Variants in NALF1 observed in about 807,000 individuals in gnomAD.
NALF1 encodes the protein NALCN channel auxiliary factor 1, also known as family with sequence similarity 155 member A.
A neutral mutation model predicts 48.4 loss-of-function variants in NALF1; 3 were observed. The ratio of observed to expected loss-of-function variants is 0.06; its 90% CI spans 0.03 to 0.16. The LOEUF (loss-of-function observed/expected upper bound fraction) is 0.16, where lower values mean the gene tolerates loss of function less well. Ranked by LOEUF, NALF1 falls within the 10% of genes least tolerant of loss-of-function variation. The pLI is 1.00. For missense variants in NALF1, 526 were observed against 571.5 expected (o/e 0.92, Z 0.81); for synonymous variants, 262 against 245.7 (o/e 1.07, Z -0.62).
At chr13:107,188,682 G>A (rs1311669599) in intron 2 of NALF1, among the ~76,000 whole-genome samples, 2 of 152,100 alleles carry the variant, frequency 1.3e-5, no homozygotes, top group East Asian at 1.9e-4. Flanking sequence ...GTTGACATTA[G>A]TGAGAGTAAG....
intron 1 of NALF1, among the ~76,000 whole-genome samples, chr13:107,706,828 T>G (rs569720125): frequency 6.6e-6 from 1 of 152,028 alleles, no homozygotes; most frequent in African/African-American, 2.4e-5. Flanking sequence ...TTAATAATTC[T>G]AACTTCATTC....
intron 1 of NALF1, among the ~76,000 whole-genome samples, chr13:107,777,415 A>C (rs1178640566): frequency 6.6e-6 from 1 of 152,176 alleles, no homozygotes; most frequent in East Asian, 1.9e-4. Flanking sequence ...GTTGAATTGC[A>C]ATCTGCAATG....
intron 1 of NALF1, among the ~76,000 whole-genome samples, chr13:107,414,035 C>A (rs562803235): frequency 2.6e-5 from 4 of 152,314 alleles, no homozygotes; most frequent in Admixed American, 2.0e-4. Flanking sequence ...GCTCAGCCCA[C>A]CTTGGCCTCT....
chr13:107,857,900 C>T (rs1880476899), intron 1 of NALF1, among the ~76,000 whole-genome samples: 1 of 152,168 alleles, frequency 6.6e-6, no homozygotes, highest in African/African-American at 2.4e-5. Flanking sequence ...TACTGGGCAT[C>T]ATCAAGCCCT....
At chr13:107,411,471 T>G (rs561473699) in intron 1 of NALF1, among the ~76,000 whole-genome samples, 18 of 152,136 alleles carry the variant, frequency 1.2e-4, no homozygotes, top group Admixed American at 5.2e-4. Context: ...GCTTCCCAGC[T>G]GAAATGTGCA....
chr13:107,421,054 A>G (rs1884177064), intron 1 of NALF1, among the ~76,000 whole-genome samples: 1 of 152,198 alleles, frequency 6.6e-6, no homozygotes, highest in African/African-American at 2.4e-5. Context: ...ACTCATCAGT[A>G]TATTATGCTA....
intron 1 of NALF1, among the ~76,000 whole-genome samples, chr13:107,744,670 T>C (rs756636454): frequency 3.3e-5 from 5 of 152,226 alleles, no homozygotes; most frequent in Non-Finnish European, 7.3e-5. Flanking sequence ...AGAAGGTCTG[T>C]CTACAAGGAC....
At chr13:107,504,055 C>A (rs1594098853) in intron 1 of NALF1, among the ~76,000 whole-genome samples, 1 of 151,408 alleles carries the variant, frequency 6.6e-6, no homozygotes, top group African/African-American at 2.4e-5. Flanking sequence ...GGAGTTTAAA[C>A]CAGCTGGCCA....
At chr13:107,677,460 C>A (rs978586097) in intron 1 of NALF1, among the ~76,000 whole-genome samples, 5 of 152,112 alleles carry the variant, frequency 3.3e-5, no homozygotes. Context: ...AAAATTCTGT[C>A]CCAGGAATAA....
chr13:107,536,975 C>T (rs1181162309), intron 1 of NALF1, among the ~76,000 whole-genome samples: 2 of 152,108 alleles, frequency 1.3e-5, no homozygotes, highest in African/African-American at 4.8e-5. Context: ...CAAACTATCA[C>T]AGGGACAAAA....
chr13:107,714,654 G>A, intron 1 of NALF1, among the ~76,000 whole-genome samples: 1 of 128,826 alleles, frequency 7.8e-6, no homozygotes. Context: ...GATAAAATTG[G>A]GAAACTTTTT....
chr13:107,547,721 G>C (rs1355411855), intron 1 of NALF1, among the ~76,000 whole-genome samples: 1 of 152,104 alleles, frequency 6.6e-6, no homozygotes, highest in African/African-American at 2.4e-5. Flanking sequence ...GGCCACATTA[G>C]AGCAACTTCA....
chr13:107,343,877 A>C (rs1206534042), intron 1 of NALF1, among the ~76,000 whole-genome samples: 1 of 152,174 alleles, frequency 6.6e-6, no homozygotes, highest in African/African-American at 2.4e-5. Flanking sequence ...AACAAAGTAG[A>C]GAACAGAAAA....
chr13:107,255,888 A>G (rs1880804262), intron 1 of NALF1, among the ~76,000 whole-genome samples: 1 of 152,166 alleles, frequency 6.6e-6, no homozygotes, highest in South Asian at 2.1e-4. Flanking sequence ...AATCTTATCA[A>G]TGGATGAACA....
intron 1 of NALF1, among the ~76,000 whole-genome samples, chr13:107,451,214 C>T (rs533124921): frequency 6.6e-6 from 1 of 152,206 alleles, no homozygotes; most frequent in South Asian, 2.1e-4. Context: ...TCTCCCCACG[C>T]CAGGAGGCAG....
chr13:107,733,464 G>C (rs1340859148), intron 1 of NALF1, among the ~76,000 whole-genome samples: 1 of 152,124 alleles, frequency 6.6e-6, no homozygotes, highest in Non-Finnish European at 1.5e-5. Flanking sequence ...GGCAGTGACA[G>C]AATTTTGGCC....
At chr13:107,835,655 T>C (rs181655581) in intron 1 of NALF1, among the ~76,000 whole-genome samples, 1 of 152,262 alleles carries the variant, frequency 6.6e-6, no homozygotes, top group African/African-American at 2.4e-5. Flanking sequence ...CAGGGCTTAG[T>C]TAGTTAATAA....
chr13:107,632,891 T>G (rs1176127129), intron 1 of NALF1, among the ~76,000 whole-genome samples: 1 of 145,296 alleles, frequency 6.9e-6, no homozygotes, highest in Admixed American at 7.4e-5. Context: ...AGGCAGAAAT[T>G]TTTATAACAA....
rs558655424 is a variant in NALF1, at chr13:107,362,341, T to C, written c.916-151586A>G. On this transcript the variant is annotated intron_variant, in intron 1 of 2. Transcript: ENST00000375915. This position sits in a 1 kb window ranked among gnomAD's most constrained non-coding sequence, Gnocchi z 4.6. ...ACAAGAGAAATGCATTGTCCAACAG[T>C]GCTGGAGGAGAACAGTCTGAAATCA... Among the ~76,000 whole-genome samples, 2 of 152,152 alleles carry C rather than the reference T, an allele frequency of 1.3e-5. No homozygotes were observed. Among genetic ancestry groups the C allele is most frequent in the Non-Finnish European group, 2.9e-5 (2 of 68,032 alleles).
Sources: gnomAD v4.1 joint callset for allele counts (sites outside exome capture counted in the v4.1 genomes callset) on GRCh38, gnomAD v4.1.1 for gene constraint, Gnocchi (gnomAD v3.1) non-coding constraint, MANE v1.5 for transcripts, NCBI Gene and HGNC (gene_info 2026-07-23, HGNC 2026-07-21) for gene names.